Variants in TAFA2 observed in about 807,000 individuals in gnomAD.
TAFA2 encodes the protein TAFA chemokine like family member 2, also known as chemokine-like protein TAFA-2.
Under a neutral mutation model 18.8 loss-of-function variants are expected in TAFA2, and 7 were observed. That is an observed-to-expected ratio of 0.37 (90% CI 0.21 to 0.70). The LOEUF (loss-of-function observed/expected upper bound fraction) is 0.70. Among genes scored for constraint, TAFA2 ranks in the 30% least tolerant of loss-of-function variants. The pLI is 0.53. For synonymous variants in TAFA2, 60 were observed against 54.2 expected, an observed-to-expected ratio of 1.11 and a Z score of -0.47; for missense variants, 122 against 158.1, an observed-to-expected ratio of 0.77 and a Z score of 1.23.
At chr12:61,733,727 T>C (rs1375688742) in intron 4 of TAFA2, among the ~76,000 whole-genome samples, 1 of 151,866 alleles carries the variant, frequency 6.6e-6, no homozygotes, top group Non-Finnish European at 1.5e-5. Flanking sequence ...GCTTTGTTCT[T>C]TTGGCTTAGG....
At chr12:62,200,791 A>G (rs1295882479) in intron 1 of TAFA2, among the ~76,000 whole-genome samples, 2 of 152,220 alleles carry the variant, frequency 1.3e-5, no homozygotes, top group Non-Finnish European at 2.9e-5. Context: ...TCCGTGAAGA[A>G]TGTCAATGGT....
chr12:62,187,904 T>C (rs1230933538), intron 1 of TAFA2, among the ~76,000 whole-genome samples: 2 of 152,204 alleles, frequency 1.3e-5, no homozygotes, highest in African/African-American at 4.8e-5. Flanking sequence ...AATAATTAAA[T>C]AGTTCAATAT....
At chr12:61,918,168 A>G (rs1024759711) in intron 1 of TAFA2, among the ~76,000 whole-genome samples, 6 of 152,100 alleles carry the variant, frequency 3.9e-5, no homozygotes, top group African/African-American at 1.4e-4. Context: ...CAAACAATCA[A>G]ATCATACTCT....
chr12:62,092,228 C>T lies in TAFA2; in HGVS notation c.-2+99031G>A, dbSNP rs745480792. ...ACAGGAACAGATTGTCCTATTAAACCACTATATAAAAACATAAATATGCTG... is the reference window on the plus strand; with the variant it reads ...ACAGGAACAGATTGTCCTATTAAACTACTATATAAAAACATAAATATGCTG... On this transcript the variant is annotated intron_variant, in intron 1 of 4. Coordinates refer to ENST00000416284, the MANE Select transcript of TAFA2 (RefSeq NM_178539.5). 3.4e-4 allele frequency among the ~76,000 whole-genome samples: 51 copies of T among 152,020 alleles called. No homozygotes were observed. In the Middle Eastern group the frequency reaches 0.02, roughly 61 times the overall value.
At chr12:61,879,416 T>A in intron 1 of TAFA2, 1 of 703,184 alleles carries the variant, frequency 1.4e-6, no homozygotes, top group Admixed American at 2.1e-5. Context: ...GGTGCCCCCA[T>A]CAGCTCCTCA....
intron 1 of TAFA2, among the ~76,000 whole-genome samples, chr12:61,954,049 G>A (rs1384253475): frequency 1.3e-5 from 2 of 152,050 alleles, no homozygotes. Context: ...GTGAAGTCTG[G>A]ACTTTTAGTG....
intron 1 of TAFA2, among the ~76,000 whole-genome samples, chr12:61,990,217 C>T (rs923423817): frequency 6.6e-6 from 1 of 152,076 alleles, no homozygotes; most frequent in Non-Finnish European, 1.5e-5. Flanking sequence ...AGTCAGGAGT[C>T]TCAGCTTTCT....
chr12:61,961,700 C>T (rs1878891590), intron 1 of TAFA2, among the ~76,000 whole-genome samples: 1 of 151,988 alleles, frequency 6.6e-6, no homozygotes, highest in African/African-American at 2.4e-5. Context: ...ATTCCTTTTA[C>T]TCCTTCTCTA....
chr12:61,825,908 C>A (rs1300127000), intron 2 of TAFA2, among the ~76,000 whole-genome samples: 1 of 151,980 alleles, frequency 6.6e-6, no homozygotes, highest in Non-Finnish European at 1.5e-5. Context: ...CTATTTAAGT[C>A]ATTGGATCTG....
chr12:62,074,750 G>A (rs1388991613), intron 1 of TAFA2, among the ~76,000 whole-genome samples: 1 of 147,184 alleles, frequency 6.8e-6, no homozygotes, highest in Non-Finnish European at 1.5e-5. Flanking sequence ...CACACAGGCT[G>A]GAGTGTAGTG....
chr12:62,022,258 A>G (rs1257217091), intron 1 of TAFA2: 3 of 226,024 alleles, frequency 1.3e-5, no homozygotes, highest in Non-Finnish European at 2.7e-5. Context: ...AAGACTTCCA[A>G]TTTCATACTG....
At chr12:61,733,995 T>C (rs1178340100) in intron 4 of TAFA2, among the ~76,000 whole-genome samples, 1 of 148,316 alleles carries the variant, frequency 6.7e-6, no homozygotes, top group Admixed American at 6.8e-5. Flanking sequence ...TCACATCCCT[T>C]GTAAGTTGGA....
At chr12:61,832,706 C>T (rs1220206806) in intron 2 of TAFA2, among the ~76,000 whole-genome samples, 2 of 152,076 alleles carry the variant, frequency 1.3e-5, no homozygotes, top group African/African-American at 4.8e-5. Context: ...ACCTTGCAAG[C>T]ACTCTTTAAA....
intron 1 of TAFA2, among the ~76,000 whole-genome samples, chr12:62,217,966 GTATTTATTTATTTATTTATTTATTTATT>G (rs68172819): frequency 7.8e-6 from 1 of 127,516 alleles, no homozygotes; most frequent in Admixed American, 7.6e-5. Flanking sequence ...TTTTATGTAT[GTATTTATTTATTTATTTATTTATTTATT>G]TATTTATTTA....
rs35419865 is a variant in TAFA2 at position 61,997,167 on chromosome 12, A to ATGTGTGTGTGTGTGTGTGTG, written c.-1-129761_-1-129742dup. 2.4e-3 allele frequency among the ~76,000 whole-genome samples: 349 copies of ATGTGTGTGTGTGTGTGTGTG among 145,520 alleles called. 1 individual carries two copies. The highest frequency in any genetic ancestry group is 7.5e-3 in the Middle Eastern group (2 of 268). ...GATACATACTAGACTATATGTATAT[A>ATGTGTGTGTGTGTGTGTGTG]TGTGTGTGTGTGTGTGTGTGTGTGT... is the stretch of plus-strand genomic sequence containing the variant. On this transcript the variant is annotated intron_variant, in intron 1 of 4. Coordinates refer to ENST00000416284, the MANE Select transcript of TAFA2 (RefSeq NM_178539.5).
chr12:61,905,740 G>A (rs1263309855), intron 1 of TAFA2, among the ~76,000 whole-genome samples: 1 of 152,118 alleles, frequency 6.6e-6, no homozygotes. Flanking sequence ...GAAAGCAAAG[G>A]ATAATGCAGA....
chr12:62,082,702 G>A (rs1188605533), intron 1 of TAFA2, among the ~76,000 whole-genome samples: 1 of 152,272 alleles, frequency 6.6e-6, no homozygotes, highest in East Asian at 1.9e-4. Flanking sequence ...AGGATATGAA[G>A]TCAAGCAAAG....
At chr12:61,937,659 G>A (rs917451788) in intron 1 of TAFA2, among the ~76,000 whole-genome samples, 4 of 152,140 alleles carry the variant, frequency 2.6e-5, no homozygotes, top group African/African-American at 9.7e-5. Flanking sequence ...ATCAACTGAA[G>A]ATGGAGCAAA....
At chr12:62,147,340 A>ATATGTGTG (rs1565760185) in intron 1 of TAFA2, among the ~76,000 whole-genome samples, 2 of 75,530 alleles carry the variant, frequency 2.6e-5, no homozygotes, top group Non-Finnish European at 2.9e-5. Context: ...ATATATATAT[A>ATATGTGTG]TATATATATA....
Sources: gnomAD v4.1 joint callset for allele counts (sites outside exome capture counted in the v4.1 genomes callset) on GRCh38, gnomAD v4.1.1 for gene constraint, MANE v1.5 for transcripts, NCBI Gene and HGNC (gene_info 2026-07-23, HGNC 2026-07-21) for gene names.